The following TENM3 variants were observed in gnomAD, a reference collection of about 807,000 sequenced individuals.
TENM3 encodes the protein teneurin-3.
Under a neutral mutation model 255.1 loss-of-function variants are expected in TENM3, and 63 were observed. The observed-to-expected ratio is 0.25, with a 90% CI of 0.20 to 0.30. The LOEUF is 0.30. TENM3 is among the 10% of genes least tolerant of loss of function. The pLI is 1.00. For missense variants in TENM3, 2,929 were observed against 3,461.1 expected (o/e 0.85, Z 3.86); for synonymous variants, 1,306 against 1,322.3 (o/e 0.99, Z 0.27).
the TENM3 span, among the ~76,000 whole-genome samples, chr4:182,090,310 G>T: frequency 6.6e-6 from 1 of 152,240 alleles, no homozygotes; most frequent in Non-Finnish European, 1.5e-5. Context: ...TTTGGCGACA[G>T]ACCACCCCAT....
intron 19 of TENM3, among the ~76,000 whole-genome samples, chr4:182,750,146 C>T (rs1286731251): frequency 6.6e-6 from 1 of 152,202 alleles, no homozygotes; most frequent in Admixed American, 6.5e-5. Context: ...CTTAGCACAG[C>T]AAGTTGATCA....
intron 3 of TENM3, among the ~76,000 whole-genome samples, chr4:182,544,542 G>A (rs1241729141): frequency 6.6e-6 from 1 of 151,904 alleles, no homozygotes; most frequent in Non-Finnish European, 1.5e-5. Context: ...TGTTGGCCAG[G>A]CTGGTCTTGA....
the TENM3 span, among the ~76,000 whole-genome samples, chr4:181,998,825 A>G: frequency 1.3e-5 from 2 of 152,168 alleles, 1 homozygote; most frequent in Admixed American, 1.3e-4. Context: ...AGGATAACAT[A>G]CTACTTGGAA....
At chr4:182,058,191 A>G in the TENM3 span, among the ~76,000 whole-genome samples, 1 of 146,966 alleles carries the variant, frequency 6.8e-6, no homozygotes, top group African/African-American at 2.5e-5. Context: ...TTATTTTTTT[A>G]GGCAAGAACA....
the TENM3 span, among the ~76,000 whole-genome samples, chr4:181,836,600 T>A: frequency 6.6e-6 from 1 of 152,172 alleles, no homozygotes; most frequent in Non-Finnish European, 1.5e-5. Flanking sequence ...CAGCTACACA[T>A]GCGTAACTCA....
chr4:181,923,835 G>C, the TENM3 span, among the ~76,000 whole-genome samples: 1 of 152,108 alleles, frequency 6.6e-6, no homozygotes, highest in African/African-American at 2.4e-5. Context: ...AATATATGGA[G>C]GTAAGCATGG....
the TENM3 span, among the ~76,000 whole-genome samples, chr4:181,901,490 A>G: frequency 6.6e-6 from 1 of 152,222 alleles, no homozygotes; most frequent in Admixed American, 6.5e-5. Flanking sequence ...TGTTTAGATG[A>G]GCCTCTGATC....
chr4:181,456,125 A>ATG, the TENM3 span, among the ~76,000 whole-genome samples: 3 of 62,328 alleles, frequency 4.8e-5, no homozygotes, highest in African/African-American at 1.4e-4. Flanking sequence ...ATATATATAT[A>ATG]TATGTGTGTG....
chr4:182,649,468 C>G (rs1484862054), intron 5 of TENM3, among the ~76,000 whole-genome samples: 1 of 150,240 alleles, frequency 6.7e-6, no homozygotes, highest in Non-Finnish European at 1.5e-5. Flanking sequence ...TTATATTCAC[C>G]TAGAAATACA....
the TENM3 span, among the ~76,000 whole-genome samples, chr4:182,134,802 A>G: frequency 1.3e-5 from 2 of 152,136 alleles, no homozygotes; most frequent in Non-Finnish European, 2.9e-5. Context: ...AGCTTGCTGT[A>G]TTTCAATATG....
At chr4:182,014,082 G>A in the TENM3 span, among the ~76,000 whole-genome samples, 2 of 82,880 alleles carry the variant, frequency 2.4e-5, no homozygotes, top group Admixed American at 2.4e-4. Context: ...ACATATATAC[G>A]TATATATACG....
At chr4:181,730,485 G>A in the TENM3 span, among the ~76,000 whole-genome samples, 5 of 152,148 alleles carry the variant, frequency 3.3e-5, no homozygotes, top group African/African-American at 4.8e-5. Flanking sequence ...CTTTGTTCCC[G>A]TAACTTTGGG....
the TENM3 span, among the ~76,000 whole-genome samples, chr4:182,088,679 A>C: frequency 2.0e-5 from 3 of 151,302 alleles, no homozygotes; most frequent in African/African-American, 4.8e-5. Context: ...CTAAAAATAC[A>C]AAAAATTCAC....
the TENM3 span, among the ~76,000 whole-genome samples, chr4:181,736,181 C>T: frequency 6.6e-6 from 1 of 152,064 alleles, no homozygotes; most frequent in South Asian, 2.1e-4. Context: ...GCCTGTAGTC[C>T]CAGCTACTTG....
At chr4:181,827,122 GGTCAT>G in the TENM3 span, among the ~76,000 whole-genome samples, 1 of 152,056 alleles carries the variant, frequency 6.6e-6, no homozygotes, top group Non-Finnish European at 1.5e-5. Context: ...AAACAAACAA[GGTCAT>G]GTACAGGAAA....
At chr4:182,333,423 A>C (rs954157907) in intron 2 of TENM3, among the ~76,000 whole-genome samples, 2 of 152,202 alleles carry the variant, frequency 1.3e-5, no homozygotes, top group Non-Finnish European at 2.9e-5. Flanking sequence ...ATATACAAGG[A>C]TTTTTCAGTG....
chr4:181,574,917 G>A, the TENM3 span, among the ~76,000 whole-genome samples: 31 of 151,882 alleles, frequency 2.0e-4, no homozygotes, highest in African/African-American at 7.5e-4. Flanking sequence ...TTATTGTTAG[G>A]GTTTCTAAAG....
the TENM3 span, among the ~76,000 whole-genome samples, chr4:182,138,612 A>C: frequency 6.6e-6 from 1 of 152,156 alleles, no homozygotes. Context: ...TAGGCTCTAC[A>C]CTTCTTACCA....
At chr4:181,976,026 T>TTC in the TENM3 span, 1 of 152,228 alleles carries the variant, frequency 6.6e-6, no homozygotes, top group Non-Finnish European at 1.5e-5. Flanking sequence ...TCACAATGTC[T>TTC]TCTCTCTCTG....
Sources: gnomAD v4.1 joint callset for allele counts (sites outside exome capture counted in the v4.1 genomes callset) on GRCh38, gnomAD v4.1.1 for gene constraint, MANE v1.5 for transcripts, NCBI Gene and HGNC (gene_info 2026-07-23, HGNC 2026-07-21) for gene names.